CCDC85A: variants seen among roughly 807,000 people sequenced by gnomAD.
CCDC85A encodes the protein coiled-coil domain-containing protein 85A.
CCDC85A carries 38 observed loss-of-function variants against 50.2 expected under a neutral mutation model. The ratio of observed to expected loss-of-function variants is 0.76; its 90% CI spans 0.58 to 0.99. CCDC85A has a LOEUF of 0.99. CCDC85A is among the 50% of genes least tolerant of loss of function. The pLI is 0.00. For missense variants in CCDC85A, 820 were observed against 742.0 expected, an observed-to-expected ratio of 1.11 and a Z score of -1.22; for synonymous variants, 366 against 301.4, an observed-to-expected ratio of 1.21 and a Z score of -2.22.
In CCDC85A at chr2:56,192,484, A is replaced by G. The variant is rs1558575867; in HGVS notation, c.284A>G (p.Asn95Ser). The change falls in exon 2 of 6, where the codon AAC becomes AGC. Residue 95 changes from asparagine (N) to serine (S), a missense_variant. Asn to Ser is a conservative substitution (Grantham distance 46). Transcript: ENST00000407595. The surrounding 1 kb of genome is among the most constrained non-coding windows in gnomAD (Gnocchi z 4.7). ...TTGTGTCTCTCTTTTCAGGATATCA[A>G]CCAGAAACTCCAGGAAGACAACCAG... Reference protein sequence around the residue: ...LGEIRGLKDINQKLQEDNQEL... With the variant: ...LGEIRGLKDISQKLQEDNQEL... 1.9e-6 allele frequency: 3 copies of G among 1,609,236 alleles called. No individual in the cohort carries two copies. Among genetic ancestry groups the G allele is most frequent in the Non-Finnish European group, 1.7e-6 (2 of 1,177,680 alleles).
At chr2:56,247,348 G>C (rs1669555493) in intron 2 of CCDC85A, among the ~76,000 whole-genome samples, 1 of 152,134 alleles carries the variant, frequency 6.6e-6, no homozygotes, top group Non-Finnish European at 1.5e-5. Flanking sequence ...GCAGACATGG[G>C]TCTTTTTTTT....
chr2:56,264,536 C>T (rs767579250), intron 2 of CCDC85A, among the ~76,000 whole-genome samples: 4 of 152,146 alleles, frequency 2.6e-5, no homozygotes, highest in Admixed American at 6.5e-5. Context: ...CCTATACTGC[C>T]AACACCCTGG....
intron 2 of CCDC85A, among the ~76,000 whole-genome samples, chr2:56,228,757 T>A (rs1275696729): frequency 1.3e-5 from 2 of 151,986 alleles, no homozygotes; most frequent in South Asian, 4.2e-4. Flanking sequence ...ATGCTCTCAA[T>A]CTCCTGACCT....
intron 3 of CCDC85A, among the ~76,000 whole-genome samples, chr2:56,362,839 G>C (rs1434142188): frequency 3.3e-5 from 5 of 152,092 alleles, no homozygotes; most frequent in South Asian, 4.2e-4. Context: ...GGCCAGGCTG[G>C]TCTCAAACTC....
At chr2:56,247,126 A>G (rs1353945872) in intron 2 of CCDC85A, among the ~76,000 whole-genome samples, 1 of 152,158 alleles carries the variant, frequency 6.6e-6, no homozygotes, top group Admixed American at 6.5e-5. Flanking sequence ...CTGCCCAGGA[A>G]CCAAGACTGT....
At chr2:56,305,553 G>A (rs1672404796) in intron 2 of CCDC85A, among the ~76,000 whole-genome samples, 1 of 152,220 alleles carries the variant, frequency 6.6e-6, no homozygotes, top group African/African-American at 2.4e-5. Flanking sequence ...TTATTCAGAA[G>A]GCAAGGGCAC....
intron 2 of CCDC85A, among the ~76,000 whole-genome samples, chr2:56,314,742 T>A (rs1344063807): frequency 6.6e-6 from 1 of 152,156 alleles, no homozygotes; most frequent in African/African-American, 2.4e-5. Flanking sequence ...ACCCATGCAT[T>A]TATGAGGCTG....
At chr2:56,259,566 T>C (rs1279506146) in intron 2 of CCDC85A, among the ~76,000 whole-genome samples, 2 of 152,158 alleles carry the variant, frequency 1.3e-5, no homozygotes, top group Admixed American at 1.3e-4. Context: ...GCCCATAAAG[T>C]TGTAGCTTTC....
chr2:56,285,560 A>G (rs1671405561), intron 2 of CCDC85A, among the ~76,000 whole-genome samples: 1 of 145,534 alleles, frequency 6.9e-6, no homozygotes, highest in Non-Finnish European at 1.5e-5. Context: ...ATAACATAAT[A>G]TATAATATAA....
chr2:56,273,877 T>A (rs1670808048), intron 2 of CCDC85A, among the ~76,000 whole-genome samples: 1 of 152,124 alleles, frequency 6.6e-6, no homozygotes. Flanking sequence ...TTGTTAGGCA[T>A]AAGGCATATC....
chr2:56,268,810 C>T (rs1210814303), intron 2 of CCDC85A, among the ~76,000 whole-genome samples: 1 of 151,956 alleles, frequency 6.6e-6, no homozygotes, highest in African/African-American at 2.4e-5. Context: ...CATACAATAA[C>T]AATTTTTCTA....
chr2:56,247,162 T>C (rs1357995837), intron 2 of CCDC85A, among the ~76,000 whole-genome samples: 3 of 152,328 alleles, frequency 2.0e-5, no homozygotes, highest in Admixed American at 1.3e-4. Context: ...AGAAAGTGAT[T>C]GCCCTACGTT....
chr2:56,359,872 G>A (rs1675434437), intron 3 of CCDC85A, among the ~76,000 whole-genome samples: 2 of 152,172 alleles, frequency 1.3e-5, no homozygotes, highest in Non-Finnish European at 2.9e-5. Flanking sequence ...GTTTTAGTTG[G>A]TTGTTTCTGC....
chr2:56,275,158 C>T (rs766645941), intron 2 of CCDC85A, among the ~76,000 whole-genome samples: 4 of 152,114 alleles, frequency 2.6e-5, no homozygotes, highest in African/African-American at 9.7e-5. Context: ...TTCACAGAAA[C>T]CTGCTTTGAA....
At chr2:56,333,824 C>G (rs889601193) in intron 2 of CCDC85A, among the ~76,000 whole-genome samples, 2 of 152,128 alleles carry the variant, frequency 1.3e-5, no homozygotes, top group Admixed American at 6.6e-5. Flanking sequence ...GAGTCTAAAA[C>G]TAGGTCTAAA....
intron 2 of CCDC85A, among the ~76,000 whole-genome samples, chr2:56,280,315 C>A (rs184068908): frequency 6.6e-6 from 1 of 152,238 alleles, no homozygotes. Flanking sequence ...GCTTTTTAAT[C>A]CATTATAAGA....
intron 2 of CCDC85A, among the ~76,000 whole-genome samples, chr2:56,193,997 AT>A (rs564618275): frequency 6.6e-6 from 1 of 151,990 alleles, no homozygotes; most frequent in Admixed American, 6.6e-5. Flanking sequence ...TACCTTAAGG[AT>A]TTTTTTTCCA....
At chr2:56,333,611 C>T (rs1182144977) in intron 2 of CCDC85A, among the ~76,000 whole-genome samples, 1 of 152,028 alleles carries the variant, frequency 6.6e-6, no homozygotes, top group East Asian at 1.9e-4. Flanking sequence ...TTGGAATAGA[C>T]TGTGGGTGAA....
chr2:56,198,528 C>T (rs368505384), intron 2 of CCDC85A, among the ~76,000 whole-genome samples: 24 of 152,282 alleles, frequency 1.6e-4, no homozygotes, highest in African/African-American at 5.1e-4. Flanking sequence ...TTGTACCATA[C>T]TTGTATATGC....
Sources: allele counts gnomAD v4.1 joint callset (sites outside exome capture counted in the v4.1 genomes callset), GRCh38; gene constraint gnomAD v4.1.1; non-coding constraint Gnocchi (gnomAD v3.1); transcripts MANE v1.5; gene names NCBI Gene and HGNC (gene_info 2026-07-23, HGNC 2026-07-21).